Variants in ITGBL1 observed in about 807,000 individuals in gnomAD.
The protein encoded by ITGBL1 is integrin subunit beta like 1, also known as integrin beta-like protein 1.
In ITGBL1, 51 loss-of-function variants were observed where a neutral mutation model predicts 68.5. The ratio of observed to expected loss-of-function variants is 0.74; its 90% confidence interval spans 0.59 to 0.94. ITGBL1 has a LOEUF of 0.94. Among genes scored for constraint, ITGBL1 ranks in the 40% least tolerant of loss-of-function variants. The pLI is 0.00. For missense variants in ITGBL1, 649 were observed against 647.4 expected (o/e 1.00, Z -0.03); for synonymous variants, 209 against 227.3 (o/e 0.92, Z 0.72).
At chr13:101,461,177 T>G (rs548651189) in intron 2 of ITGBL1, among the ~76,000 whole-genome samples, 1 of 152,298 alleles carries the variant, frequency 6.6e-6, no homozygotes, top group Non-Finnish European at 1.5e-5. Flanking sequence ...GGAAACAAAT[T>G]TATTTGTATT....
At chr13:101,537,861 G>T (rs2049606808) in intron 2 of ITGBL1, among the ~76,000 whole-genome samples, 1 of 151,944 alleles carries the variant, frequency 6.6e-6, no homozygotes, top group South Asian at 2.1e-4. Flanking sequence ...TGATTGACAG[G>T]TGGTCAGTTG....
At chr13:101,520,822 G>T (rs1271419908) in intron 2 of ITGBL1, among the ~76,000 whole-genome samples, 1 of 152,206 alleles carries the variant, frequency 6.6e-6, no homozygotes. Flanking sequence ...GGGCCTAAAG[G>T]AGGTGGAAAT....
Position 101,567,771 on chromosome 13 carries a change from C to T in ITGBL1, c.389C>T (p.Thr130Ile), listed in dbSNP as rs1216442767. 6.2e-7 allele frequency: 1 copy of T among 1,613,272 alleles called. No homozygotes were observed. The highest frequency in any genetic ancestry group is 8.5e-7 in the Non-Finnish European group (1 of 1,179,446). ...GWYGDACQYPTNCDLTKKKSN... is the reference protein window; with the variant it reads ...GWYGDACQYPINCDLTKKKSN... Reference sequence around the variant, plus strand: ...TATGGGGATGCTTGCCAGTACCCAACTAACTGTGACTTGACAAAGAAGAAA... The same window carrying T: ...TATGGGGATGCTTGCCAGTACCCAATTAACTGTGACTTGACAAAGAAGAAA... The change falls in exon 3 of 11, where the codon ACT (threonine) becomes ATT (isoleucine). Residue 130 changes from threonine to isoleucine, a missense_variant. Coordinates refer to ENST00000376180, the MANE Select transcript of ITGBL1 (RefSeq NM_004791.3).
At chr13:101,680,366 A>G (rs1371813632) in intron 7 of ITGBL1, among the ~76,000 whole-genome samples, 2 of 152,016 alleles carry the variant, frequency 1.3e-5, no homozygotes, top group African/African-American at 2.4e-5. Context: ...TGAGCCTCTA[A>G]TTACTCCCCA....
intron 7 of ITGBL1, among the ~76,000 whole-genome samples, chr13:101,677,766 A>G (rs1312103210): frequency 6.6e-6 from 1 of 152,186 alleles, no homozygotes; most frequent in Non-Finnish European, 1.5e-5. Context: ...CCTATGATGA[A>G]TGTGCTGTAA....
intron 2 of ITGBL1, among the ~76,000 whole-genome samples, chr13:101,524,092 T>C (rs1211730902): frequency 6.6e-6 from 1 of 151,712 alleles, no homozygotes; most frequent in Non-Finnish European, 1.5e-5. Context: ...CTGTGTCTTC[T>C]TAATGAGATT....
chr13:101,667,714 A>C (rs1188016023), intron 7 of ITGBL1, among the ~76,000 whole-genome samples: 1 of 152,108 alleles, frequency 6.6e-6, no homozygotes, highest in East Asian at 1.9e-4. Flanking sequence ...CATGACTAAA[A>C]TTTTTAAATG....
chr13:101,698,296 C>T (rs562401326), intron 8 of ITGBL1, among the ~76,000 whole-genome samples: 2 of 152,292 alleles, frequency 1.3e-5, no homozygotes, highest in South Asian at 4.1e-4. Flanking sequence ...CATGTATAAA[C>T]TTAACTGATC....
chr13:101,639,670 G>T (rs1405709525), intron 7 of ITGBL1, among the ~76,000 whole-genome samples: 1 of 152,092 alleles, frequency 6.6e-6, no homozygotes, highest in Non-Finnish European at 1.5e-5. Context: ...TTATTATTCT[G>T]CATTACACAC....
chr13:101,660,444 A>C (rs1227082662), intron 7 of ITGBL1, among the ~76,000 whole-genome samples: 6 of 152,178 alleles, frequency 3.9e-5, no homozygotes, highest in Non-Finnish European at 7.3e-5. Flanking sequence ...AAGACATCTC[A>C]AAAGGCTAGT....
At chr13:101,637,613 G>T (rs1210397738) in intron 7 of ITGBL1, among the ~76,000 whole-genome samples, 1 of 152,162 alleles carries the variant, frequency 6.6e-6, no homozygotes, top group Non-Finnish European at 1.5e-5. Flanking sequence ...AAAGTGCTGG[G>T]ATTACAGGCG....
intron 2 of ITGBL1, among the ~76,000 whole-genome samples, chr13:101,514,209 A>G (rs2050452): frequency 0.21 from 32,605 of 151,992 alleles, 3,805 homozygotes; most frequent in East Asian, 0.46. Flanking sequence ...TGGCTGGTGT[A>G]TGCTAATTTA....
At chr13:101,583,164 C>G in intron 5 of ITGBL1, 52 bp from the exon 6 acceptor site, 1 of 1,556,892 alleles carries the variant, frequency 6.4e-7, no homozygotes, top group Admixed American at 1.7e-5. Flanking sequence ...GAAATGCTTT[C>G]TTTCATGGTT....
intron 7 of ITGBL1, among the ~76,000 whole-genome samples, chr13:101,660,306 A>G (rs1301207085): frequency 3.3e-5 from 5 of 152,082 alleles, no homozygotes; most frequent in Admixed American, 3.3e-4. Context: ...TGGGTCAGAG[A>G]TGAAATCATA....
At chr13:101,536,892 C>T (rs572677756) in intron 2 of ITGBL1, among the ~76,000 whole-genome samples, 74 of 152,034 alleles carry the variant, frequency 4.9e-4, no homozygotes, top group Non-Finnish European at 9.1e-4. Flanking sequence ...AAATGAATGG[C>T]ATTTAAAGGT....
chr13:101,584,176 T>A (rs2050512084), intron 6 of ITGBL1, among the ~76,000 whole-genome samples: 2 of 152,266 alleles, frequency 1.3e-5, no homozygotes, highest in Non-Finnish European at 2.9e-5. Context: ...AGGGACTGAG[T>A]GACATCTGGG....
intron 7 of ITGBL1, among the ~76,000 whole-genome samples, chr13:101,674,691 A>AT (rs1180650241): frequency 4.6e-5 from 7 of 151,870 alleles, no homozygotes; most frequent in African/African-American, 7.3e-5. Flanking sequence ...ACTTATATAA[A>AT]TTTTTTTGTA....
In ITGBL1 at chr13:101,481,170, G is replaced by A. The variant is rs1426567354; in HGVS notation, c.316+27070G>A. Among the ~76,000 whole-genome samples, 5 of 143,314 alleles carry A rather than the reference G, an allele frequency of 3.5e-5. No homozygotes were observed. The East Asian group carries it at 1.2e-3, about 33-fold the overall frequency. 94.0% of individuals were successfully genotyped at this position (143,314 alleles called of 152,430 possible). A position where few individuals can be genotyped will look rare whatever the true frequency, so the allele number is the denominator to read the frequency against. ...TGTATATATATATATATGAGAGAGAGCATATATATACATATGAGAGAGAGA... is the reference window on the plus strand; with the variant it reads ...TGTATATATATATATATGAGAGAGAACATATATATACATATGAGAGAGAGA... On this transcript the variant is annotated intron_variant, in intron 2 of 10. Transcript: ENST00000376180.
chr13:101,603,461 T>C (rs978007066), intron 7 of ITGBL1, among the ~76,000 whole-genome samples: 1 of 151,950 alleles, frequency 6.6e-6, no homozygotes, highest in Non-Finnish European at 1.5e-5. Context: ...ACAGGAACCA[T>C]TGTTCTATCT....
Sources: allele counts gnomAD v4.1 joint callset (sites outside exome capture counted in the v4.1 genomes callset), GRCh38; gene constraint gnomAD v4.1.1; transcripts MANE v1.5; gene names NCBI Gene and HGNC (gene_info 2026-07-23, HGNC 2026-07-21).